CEP128: variants seen among roughly 807,000 people sequenced by gnomAD.
The protein encoded by CEP128 is centrosomal protein 128, also known as centrosomal protein 128kDa.
Under a neutral mutation model 156.7 loss-of-function variants are expected in CEP128, and 132 were observed. That is an observed-to-expected ratio of 0.84 (90% CI 0.73 to 0.97). CEP128 has a LOEUF of 0.97. Ranked by LOEUF, CEP128 falls within the 50% of genes least tolerant of loss-of-function variation. The pLI, the probability that CEP128 is intolerant of heterozygous loss-of-function variation, is 0.00. For synonymous variants in CEP128, 469 were observed against 448.9 expected, an observed-to-expected ratio of 1.04 and a Z score of -0.57; for missense variants, 1,252 against 1,281.9, an observed-to-expected ratio of 0.98 and a Z score of 0.36.
chr14:80,647,061 A>ACACCC (rs1894680908), intron 19 of CEP128, among the ~76,000 whole-genome samples: 2 of 60,796 alleles, frequency 3.3e-5, no homozygotes, highest in Admixed American at 3.9e-4. Flanking sequence ...ATATATATAT[A>ACACCC]TATATATATA....
At chr14:80,692,822 G>A (rs1896763268) in intron 19 of CEP128, among the ~76,000 whole-genome samples, 2 of 152,266 alleles carry the variant, frequency 1.3e-5, no homozygotes, top group South Asian at 4.2e-4. Flanking sequence ...TTTTCCTTTA[G>A]ATAGAGAAAG....
upstream of CEP128, among the ~76,000 whole-genome samples, chr14:80,946,332 TGATGCCTCATGATGCATCATG>T (rs1886343461): frequency 1.4e-5 from 1 of 72,218 alleles, no homozygotes; most frequent in African/African-American, 5.4e-5. Context: ...TGCATCATGA[TGATGCCTCATGATGCATCATG>T]ATGATGCCTC....
chr14:80,530,856 A>T lies in CEP128; in HGVS notation c.2911T>A (p.Ser971Thr). ...STQVALDHLESVPEKLSLLED... is the reference protein window; with the variant it reads ...STQVALDHLETVPEKLSLLED... ...AGTAGGCTCAGTTTCTCAGGCACAG[A>T]CTCCAGATGGTCCAAGGCCACTTGG... The change falls in exon 22 of 25, where the codon TCT becomes ACT. Residue 971 changes from serine to threonine, a missense_variant. Ser to Thr is a moderately conservative substitution (Grantham distance 58). Coordinates refer to ENST00000555265, the MANE Select transcript of CEP128 (RefSeq NM_152446.5). The T allele has an allele frequency of 6.2e-7, 1 of 1,609,690 alleles. No individual in the cohort carries two copies. The highest frequency in any genetic ancestry group is 1.3e-5 in the African/African-American group (1 of 74,940).
chr14:80,831,066 A>T, intron 13 of CEP128, 77 bp downstream of exon 13: 3 of 1,250,334 alleles, frequency 2.4e-6, no homozygotes, highest in Non-Finnish European at 3.5e-6. Context: ...ACACATCTTT[A>T]TATTAAAATT....
intron 23 of CEP128, among the ~76,000 whole-genome samples, chr14:80,513,817 T>C (rs1888368273): frequency 6.6e-6 from 1 of 152,218 alleles, no homozygotes; most frequent in Non-Finnish European, 1.5e-5. Context: ...AAAACACGTT[T>C]TTCTGCCATA....
intron 19 of CEP128, among the ~76,000 whole-genome samples, chr14:80,710,136 G>A (rs1897351072): frequency 6.6e-6 from 1 of 151,986 alleles, no homozygotes; most frequent in South Asian, 2.1e-4. Flanking sequence ...TTAAGAACAT[G>A]TATTAACAAT....
intron 20 of CEP128, among the ~76,000 whole-genome samples, chr14:80,575,974 C>A (rs1891337101): frequency 6.6e-6 from 1 of 151,752 alleles, no homozygotes; most frequent in South Asian, 2.1e-4. Flanking sequence ...TGAGTAAGGG[C>A]ACATGAGTTT....
At chr14:80,626,470 CAAA>C (rs60238276) in intron 19 of CEP128, among the ~76,000 whole-genome samples, 51 of 80,684 alleles carry the variant, frequency 6.3e-4, no homozygotes, top group African/African-American at 2.5e-3. Flanking sequence ...GACTCCGTCT[CAAA>C]AAAAAAAAAA....
chr14:80,697,879 ATATATATG>A (rs1896942595), intron 19 of CEP128, among the ~76,000 whole-genome samples: 1 of 152,006 alleles, frequency 6.6e-6, no homozygotes, highest in Non-Finnish European at 1.5e-5. Context: ...GAGCATAAAT[ATATATATG>A]TGTGTATATG....
intron 8 of CEP128, among the ~76,000 whole-genome samples, chr14:80,889,643 C>T (rs1285879582): frequency 6.6e-6 from 1 of 152,160 alleles, no homozygotes. Flanking sequence ...GGATTAAAGA[C>T]TTAAACATAA....
chr14:80,764,816 T>C (rs542666449), intron 16 of CEP128, among the ~76,000 whole-genome samples: 1 of 152,308 alleles, frequency 6.6e-6, no homozygotes, highest in East Asian at 1.9e-4. Context: ...AAACAAATCC[T>C]TCACCCCCAC....
chr14:80,699,909 C>T (rs1269294345), intron 19 of CEP128, among the ~76,000 whole-genome samples: 2 of 152,056 alleles, frequency 1.3e-5, no homozygotes, highest in African/African-American at 4.8e-5. Flanking sequence ...AGCGTGTCTC[C>T]CTTAGGCAAG....
intron 18 of CEP128, 94 bp downstream of exon 18, chr14:80,756,798 G>T: frequency 1.3e-6 from 1 of 774,278 alleles, no homozygotes; most frequent in Non-Finnish European, 2.2e-6. Flanking sequence ...AGCTTCATAT[G>T]TTCAGTTACA....
chr14:80,579,528 T>G (rs886399362), intron 20 of CEP128, among the ~76,000 whole-genome samples: 4 of 152,224 alleles, frequency 2.6e-5, no homozygotes, highest in South Asian at 2.1e-4. Context: ...CTTCTCTTGC[T>G]CTTTGGACTT....
chr14:80,870,611 C>A (rs1887978757), intron 8 of CEP128, among the ~76,000 whole-genome samples: 1 of 151,816 alleles, frequency 6.6e-6, no homozygotes, highest in African/African-American at 2.4e-5. Flanking sequence ...ATAATAAAGG[C>A]CATATACAAC....
chr14:80,657,011 G>A (rs1289867965), intron 19 of CEP128, among the ~76,000 whole-genome samples: 1 of 152,130 alleles, frequency 6.6e-6, no homozygotes, highest in Admixed American at 6.5e-5. Context: ...TATAATCCCA[G>A]CACTTTGGGA....
At chr14:80,767,575 G>C (rs563590023) in intron 16 of CEP128, among the ~76,000 whole-genome samples, 2 of 152,216 alleles carry the variant, frequency 1.3e-5, no homozygotes, top group Non-Finnish European at 2.9e-5. Flanking sequence ...TACAGGAAAA[G>C]GAAGGTGAAT....
intron 13 of CEP128, among the ~76,000 whole-genome samples, chr14:80,802,803 C>T (rs1883955994): frequency 6.6e-6 from 1 of 152,014 alleles, no homozygotes; most frequent in Admixed American, 6.5e-5. Flanking sequence ...GATTAATCAC[C>T]AAAAGACTTT....
chr14:80,789,003 G>A (rs1218305898), intron 14 of CEP128, among the ~76,000 whole-genome samples: 1 of 152,120 alleles, frequency 6.6e-6, no homozygotes, highest in African/African-American at 2.4e-5. Flanking sequence ...TGGATAGGGG[G>A]AGGCAGGAGG....
Sources: allele counts gnomAD v4.1 joint callset (sites outside exome capture counted in the v4.1 genomes callset), GRCh38; gene constraint gnomAD v4.1.1; transcripts MANE v1.5; gene names NCBI Gene and HGNC (gene_info 2026-07-23, HGNC 2026-07-21).